The following ST8SIA2 variants were observed in gnomAD, a reference collection of about 807,000 sequenced individuals.
The protein encoded by ST8SIA2 is ST8 alpha-N-acetyl-neuraminide alpha-2,8-sialyltransferase 2, also known as alpha-2,8-sialyltransferase 8B.
A neutral mutation model predicts 37.6 loss-of-function variants in ST8SIA2; 22 were observed. That is an observed-to-expected ratio of 0.58 (90% CI 0.42 to 0.83). The LOEUF (loss-of-function observed/expected upper bound fraction) is 0.83. Ranked by LOEUF, ST8SIA2 falls within the 40% of genes least tolerant of loss-of-function variation. The pLI, the probability that ST8SIA2 is intolerant of heterozygous loss-of-function variation, is 0.00. For synonymous variants in ST8SIA2, 205 were observed against 201.2 expected (o/e 1.02, Z -0.16); for missense variants, 382 against 484.7 (o/e 0.79, Z 1.99).
At chr15:92,434,479 G>A in intron 3 of ST8SIA2, 104 bp downstream of exon 3, 5 of 1,535,222 alleles carry the variant, frequency 3.3e-6, no homozygotes, top group Non-Finnish European at 4.5e-6. Context: ...GAAATAAAAT[G>A]TTTACCTCCC....
intron 5 of ST8SIA2, among the ~76,000 whole-genome samples, chr15:92,453,461 T>C (rs1021017528): frequency 1.3e-5 from 2 of 152,216 alleles, no homozygotes; most frequent in Admixed American, 6.5e-5. Context: ...AAATGCAAGA[T>C]TCTGTACTTA....
intron 1 of ST8SIA2, among the ~76,000 whole-genome samples, chr15:92,395,112 G>C (rs7183703): frequency 6.6e-6 from 1 of 151,970 alleles, no homozygotes; most frequent in South Asian, 2.1e-4. Context: ...GCCCCTCTCC[G>C]GAACCTCCAA....
chr15:92,438,494 C>A lies in ST8SIA2; in HGVS notation c.432C>A (p.Pro144=), dbSNP rs765042774. 18 of 1,614,222 alleles carry A rather than the reference C, an allele frequency of 1.1e-5. No homozygotes were observed. In the African/African-American group the frequency reaches 2.4e-4, roughly 22 times the overall value. The change falls in exon 4 of 6, where the codon CCC becomes CCA. Residue 144 remains proline (P), a synonymous_variant. Transcript: ENST00000268164. ...CCCAGAACCTCTACGAGCTCCTCCC[C>A]AGGACTTCGCCACTGAAGAATAAGC... ...NVSQNLYELL[P]RTSPLKNKHF...
chr15:92,456,769 T>C (rs938825256), intron 5 of ST8SIA2, among the ~76,000 whole-genome samples: 4 of 152,208 alleles, frequency 2.6e-5, no homozygotes, highest in Non-Finnish European at 5.9e-5. Context: ...ACAAGCCCGA[T>C]GGAGGCTATC....
chr15:92,427,819 A>G (rs2049687767), intron 1 of ST8SIA2, among the ~76,000 whole-genome samples: 2 of 152,222 alleles, frequency 1.3e-5, no homozygotes, highest in Admixed American at 1.3e-4. Flanking sequence ...CCCTGTCTCT[A>G]CTAAAAATAC....
At chr15:92,462,207 T>C (rs189590347) in intron 5 of ST8SIA2, among the ~76,000 whole-genome samples, 155 of 152,256 alleles carry the variant, frequency 1.0e-3, no homozygotes, top group African/African-American at 1.9e-3. Flanking sequence ...GAGATTCAAG[T>C]CACCCCAGCC....
At chr15:92,425,421 C>T (rs2049668326) in intron 1 of ST8SIA2, among the ~76,000 whole-genome samples, 2 of 152,216 alleles carry the variant, frequency 1.3e-5, no homozygotes, top group East Asian at 1.9e-4. Flanking sequence ...CTCTTGAAGC[C>T]TGATTTGCTT....
At position 92,393,919 on chromosome 15, in the gene ST8SIA2, T is replaced by TGCC. The variant is rs1274630641; in HGVS notation, c.-138_-136dup. 4 of 301,560 alleles carry TGCC rather than the reference T, an allele frequency of 1.3e-5. No homozygotes were observed. The highest frequency in any genetic ancestry group is 5.6e-5 in the Admixed American group (1 of 17,900). 18.7% of individuals were successfully genotyped at this position (301,560 alleles called of 1,614,324 possible). A position where few individuals can be genotyped will look rare whatever the true frequency, so the allele number is the denominator to read the frequency against. Reference sequence around the variant, plus strand: ...CTGTCGCTGCCGCTGCCGCTGCCGCTGCCGCCGCCGGCCCGGACTCGTCCG... The same window carrying TGCC: ...CTGTCGCTGCCGCTGCCGCTGCCGCTGCCGCCGCCGCCGGCCCGGACTCGTCCG... On this transcript the variant is annotated 5_prime_UTR_variant, in exon 1 of 6. Transcript: ENST00000268164.
chr15:92,416,721 C>T (rs1470694093), intron 1 of ST8SIA2, among the ~76,000 whole-genome samples: 8 of 152,142 alleles, frequency 5.3e-5, no homozygotes, highest in Non-Finnish European at 1.0e-4. Flanking sequence ...TCCTGCACAG[C>T]CCCGTGGATT....
intron 1 of ST8SIA2, among the ~76,000 whole-genome samples, chr15:92,395,869 C>T (rs543078354): frequency 2.3e-4 from 35 of 152,326 alleles, no homozygotes; most frequent in African/African-American, 3.4e-4. Context: ...CTGTGCTTAT[C>T]CAGGCACCCC....
At chr15:92,431,051 C>G (rs948628977) in intron 2 of ST8SIA2, among the ~76,000 whole-genome samples, 3 of 152,148 alleles carry the variant, frequency 2.0e-5, no homozygotes, top group African/African-American at 7.2e-5. Flanking sequence ...GCTTCTAGCT[C>G]TCTAATGACC....
chr15:92,407,615 T>C (rs2049518272), intron 1 of ST8SIA2, among the ~76,000 whole-genome samples: 3 of 152,120 alleles, frequency 2.0e-5, no homozygotes, highest in Non-Finnish European at 4.4e-5. Context: ...CAGCCTGCGG[T>C]CCAGTTCCAA....
intron 1 of ST8SIA2, chr15:92,422,347 G>A (rs4777980): frequency 0.5 from 75,488 of 152,050 alleles, 19,120 homozygotes; most frequent in East Asian, 0.7. Flanking sequence ...AGGACTACTC[G>A]GTGGTGTCTA....
rs530799219 is a variant in ST8SIA2 at position 92,460,294 on chromosome 15, T to C, written c.843-3806T>C. On this transcript the variant is annotated intron_variant, in intron 5 of 5. Transcript: ENST00000268164. ...AGGAGGCTGTGAGAATCCCAGTGTCTAGGCCACACATGGTAGTGAGATCCA... is the reference window on the plus strand; with the variant it reads ...AGGAGGCTGTGAGAATCCCAGTGTCCAGGCCACACATGGTAGTGAGATCCA... Among the ~76,000 whole-genome samples, 9 of 152,354 alleles carry C rather than the reference T, an allele frequency of 5.9e-5. No individual in the cohort carries two copies. The East Asian group carries it at 1.7e-3, about 29-fold the overall frequency.
At chr15:92,407,603 C>A (rs1483582295) in intron 1 of ST8SIA2, among the ~76,000 whole-genome samples, 1 of 152,132 alleles carries the variant, frequency 6.6e-6, no homozygotes, top group East Asian at 1.9e-4. Context: ...TGGTGGCCTG[C>A]CCAGCCTGCG....
In ST8SIA2 at chr15:92,426,316, T is replaced by A. The variant is rs375982145; in HGVS notation, c.99-3733T>A. 1.6e-4 allele frequency among the ~76,000 whole-genome samples: 24 copies of A among 152,094 alleles called. 1 individual carries two copies. In the East Asian group the frequency reaches 4.1e-3, roughly 26 times the overall value. ...AGGCACCGATGCTGGGTTAGGGGGTTTGCATGGAAAGATGATGTGGATGGG... is the reference window on the plus strand; with the variant it reads ...AGGCACCGATGCTGGGTTAGGGGGTATGCATGGAAAGATGATGTGGATGGG... On this transcript the variant is annotated intron_variant, in intron 1 of 5. Coordinates refer to ENST00000268164, the MANE Select transcript of ST8SIA2 (RefSeq NM_006011.4).
chr15:92,440,022 C>T (rs1258856932), intron 4 of ST8SIA2, among the ~76,000 whole-genome samples: 4 of 152,160 alleles, frequency 2.6e-5, no homozygotes, highest in African/African-American at 9.7e-5. Context: ...AGTCATGAGT[C>T]CCCACAGTGA....
chr15:92,429,069 A>G (rs796897288), intron 1 of ST8SIA2, among the ~76,000 whole-genome samples: 1 of 152,248 alleles, frequency 6.6e-6, no homozygotes, highest in African/African-American at 2.4e-5. Context: ...ATTTAATGAC[A>G]AGGTTCCTTT....
intron 1 of ST8SIA2, among the ~76,000 whole-genome samples, chr15:92,418,595 G>T (rs977538263): frequency 6.6e-6 from 1 of 152,038 alleles, no homozygotes; most frequent in African/African-American, 2.4e-5. Context: ...ACAGGCAAGA[G>T]AATTTTTGTC....
Sources: gnomAD v4.1 joint callset for allele counts (sites outside exome capture counted in the v4.1 genomes callset) on GRCh38, gnomAD v4.1.1 for gene constraint, MANE v1.5 for transcripts, NCBI Gene and HGNC (gene_info 2026-07-23, HGNC 2026-07-21) for gene names.